Variants in TSPEAR observed in about 807,000 individuals in gnomAD.
TSPEAR encodes the protein thrombospondin-type laminin G domain and EAR repeat-containing protein.
In TSPEAR, 69 loss-of-function variants were observed where a neutral mutation model predicts 71.6. The ratio of observed to expected loss-of-function variants is 0.96; its 90% confidence interval spans 0.79 to 1.18. The LOEUF (loss-of-function observed/expected upper bound fraction) is 1.18. Ranked by LOEUF, TSPEAR falls within the 50% of genes most tolerant of loss-of-function variation. TSPEAR has a pLI of 0.00. For missense variants in TSPEAR, 971 were observed against 894.9 expected (o/e 1.09, Z -1.09); for synonymous variants, 402 against 387.2 (o/e 1.04, Z -0.45).
intron 1 of TSPEAR, among the ~76,000 whole-genome samples, chr21:44,580,937 T>G (rs1978930804): frequency 6.6e-6 from 1 of 152,208 alleles, no homozygotes. Context: ...AGATGAAGAC[T>G]TCTCTAAAGG....
intron 9 of TSPEAR, among the ~76,000 whole-genome samples, chr21:44,514,830 G>A (rs1184282735): frequency 6.6e-6 from 1 of 152,154 alleles, no homozygotes; most frequent in Non-Finnish European, 1.5e-5. Flanking sequence ...GGAAGAATGG[G>A]ACATCAAACC....
At chr21:44,660,104 A>G (rs937951777) in intron 1 of TSPEAR, among the ~76,000 whole-genome samples, 2 of 152,198 alleles carry the variant, frequency 1.3e-5, no homozygotes, top group Non-Finnish European at 2.9e-5. Context: ...AAAGAGAAAG[A>G]GAAGGGTGGA....
At chr21:44,604,666 T>C (rs1555929536) in intron 1 of TSPEAR, among the ~76,000 whole-genome samples, 1 of 152,268 alleles carries the variant, frequency 6.6e-6, no homozygotes, top group African/African-American at 2.4e-5. Flanking sequence ...GCCTTGTTTT[T>C]GATCTTAGAG....
At chr21:44,658,359 A>G (rs1985294006) in intron 1 of TSPEAR, 2 of 1,259,832 alleles carry the variant, frequency 1.6e-6, no homozygotes, top group South Asian at 2.7e-5. Flanking sequence ...CATAGGGCAG[A>G]TGAAAAGCAT....
chr21:44,503,861 G>A lies in TSPEAR; in HGVS notation c.1856+919C>T, dbSNP rs587722122. Reference sequence around the variant, plus strand: ...GCCGGCCTTGGTGAGCCCTTGGGGGGAAGCCGGCCTTGGTGAGCCCACAGG... The same window carrying A: ...GCCGGCCTTGGTGAGCCCTTGGGGGAAAGCCGGCCTTGGTGAGCCCACAGG... On this transcript the variant is annotated intron_variant, in intron 11 of 11. Transcript: ENST00000323084. Among the ~76,000 whole-genome samples the A allele has an allele frequency of 1.9e-4, 28 of 144,770 alleles. No homozygotes were observed. In the South Asian group the frequency reaches 6.3e-3, roughly 32 times the overall value. 95.0% of individuals were successfully genotyped at this position (144,770 alleles called of 152,430 possible).
chr21:44,574,956 C>T (rs370643972), intron 1 of TSPEAR: 2 of 1,607,010 alleles, frequency 1.2e-6, no homozygotes, highest in Non-Finnish European at 1.7e-6. Context: ...CTGCGTGTCC[C>T]TCCTCTGACG....
Position 44,697,918 on chromosome 21 carries a change from A to C in TSPEAR, c.82+13515T>G, listed in dbSNP as rs782350307. 4 of 1,611,888 alleles carry C rather than the reference A, an allele frequency of 2.5e-6. No homozygotes were observed. The Admixed American group carries it at 6.7e-5, about 27-fold the overall frequency. The stretch of plus-strand genomic sequence containing the variant: ...GCGGGTCCCTCCTCTGCCGCCCCAC[A>C]TGTTCCCGCCTGGCCTGCTGAGGCC... On this transcript the variant is annotated intron_variant, in intron 1 of 11. Transcript: ENST00000323084.
rs760990458 is a variant in TSPEAR at position 44,592,541 on chromosome 21, C to T, written c.83-24536G>A. On this transcript the variant is annotated intron_variant, in intron 1 of 11. Transcript: ENST00000323084. ...TGAGCCTGTGAGGTGCTGAGGCTCTCGGGCTTTTATTCCACCTGGCCTTGT... is the reference window on the plus strand; with the variant it reads ...TGAGCCTGTGAGGTGCTGAGGCTCTTGGGCTTTTATTCCACCTGGCCTTGT... 5.0e-5 allele frequency: 77 copies of T among 1,554,294 alleles called. No individual in the cohort carries two copies. In the African/African-American group the frequency reaches 7.9e-4, roughly 16 times the overall value.
chr21:44,605,029 G>A (rs782466578), intron 1 of TSPEAR, among the ~76,000 whole-genome samples: 13 of 152,282 alleles, frequency 8.5e-5, no homozygotes, highest in South Asian at 2.1e-4. Context: ...CGTCAAGGAC[G>A]TTGGCCTGTA....
intron 1 of TSPEAR, among the ~76,000 whole-genome samples, chr21:44,582,466 C>T (rs924946687): frequency 6.6e-6 from 1 of 152,196 alleles, no homozygotes; most frequent in Non-Finnish European, 1.5e-5. Flanking sequence ...AGCCCTGGGG[C>T]CTGTATGATA....
chr21:44,508,303 T>G (rs2145919194), intron 10 of TSPEAR: 1 of 193,432 alleles, frequency 5.2e-6, no homozygotes, highest in Non-Finnish European at 9.8e-6. Flanking sequence ...CCTCGAAGGG[T>G]CTAAAGGTAT....
At chr21:44,533,646 T>C in intron 3 of TSPEAR, 39 bp downstream of exon 3, 1 of 1,535,028 alleles carries the variant, frequency 6.5e-7, no homozygotes, top group Non-Finnish European at 8.9e-7. Flanking sequence ...GGCAGGACTC[T>C]GAGGACTGCA....
At chr21:44,573,749 A>C (rs371752955) in intron 1 of TSPEAR, 43 of 1,588,904 alleles carry the variant, frequency 2.7e-5, no homozygotes, top group African/African-American at 1.4e-4. Flanking sequence ...CCAGCACAGC[A>C]GCATCCACCA....
At chr21:44,503,886 G>C (rs372355841) in intron 11 of TSPEAR, among the ~76,000 whole-genome samples, 58 of 141,434 alleles carry the variant, frequency 4.1e-4, no homozygotes, top group East Asian at 1.3e-3. Flanking sequence ...GAGCCCACAG[G>C]GGGGAAGCAA....
rs189221846 is a variant in TSPEAR, at chr21:44,545,283, A to G, written c.304-11360T>C. 1.9e-3 allele frequency among the ~76,000 whole-genome samples: 284 copies of G among 152,024 alleles called. 6 individuals are homozygous for G. The South Asian group carries it at 0.037, about 20-fold the overall frequency. ...CAGTGAGCCGATATCGTGCCACTGC[A>G]CTCCAGCCTGGGTGACAGAGCAAGA... On this transcript the variant is annotated intron_variant, in intron 2 of 11. Transcript: ENST00000323084.
chr21:44,502,653 G>A (rs1555911205), intron 11 of TSPEAR, among the ~76,000 whole-genome samples: 1 of 152,268 alleles, frequency 6.6e-6, no homozygotes, highest in African/African-American at 2.4e-5. Flanking sequence ...GCACTCGTGG[G>A]TTGTGGCTAC....
At chr21:44,541,093 C>T (rs79139669) in intron 2 of TSPEAR, among the ~76,000 whole-genome samples, 3,432 of 151,880 alleles carry the variant, frequency 0.023, 128 homozygotes, top group African/African-American at 0.078. Flanking sequence ...TTCTGCACCA[C>T]GTGTCTTCCC....
chr21:44,676,794 TA>T (rs1555946934), intron 1 of TSPEAR: 5 of 899,216 alleles, frequency 5.6e-6, no homozygotes, highest in Non-Finnish European at 9.5e-6. Context: ...ATGCTTTTGC[TA>T]CTACAGAGTC....
At chr21:44,513,815 A>C (rs1165027387) in intron 9 of TSPEAR, among the ~76,000 whole-genome samples, 1 of 152,130 alleles carries the variant, frequency 6.6e-6, no homozygotes, top group Non-Finnish European at 1.5e-5. Flanking sequence ...CTCCCTAGCC[A>C]CCAGAAGGCA....
Sources: allele counts gnomAD v4.1 joint callset (sites outside exome capture counted in the v4.1 genomes callset), GRCh38; gene constraint gnomAD v4.1.1; transcripts MANE v1.5; gene names NCBI Gene and HGNC (gene_info 2026-07-23, HGNC 2026-07-21).